The following LPP variants were observed in gnomAD, a reference collection of about 807,000 sequenced individuals.
The protein encoded by LPP is lipoma-preferred partner.
LPP carries 38 observed loss-of-function variants against 60.4 expected under a neutral mutation model. The observed-to-expected ratio is 0.63, with a 90% CI of 0.49 to 0.83. LPP has a LOEUF of 0.83. Ranked by LOEUF, LPP falls within the 40% of genes least tolerant of loss-of-function variation. The pLI, the probability that LPP is intolerant of heterozygous loss-of-function variation, is 0.00. For synonymous variants in LPP, 328 were observed against 290.8 expected, an observed-to-expected ratio of 1.13 and a Z score of -1.30; for missense variants, 902 against 783.6, an observed-to-expected ratio of 1.15 and a Z score of -1.80.
At chr3:188,186,653 G>A (rs982990826) in intron 1 of LPP, among the ~76,000 whole-genome samples, 3 of 151,794 alleles carry the variant, frequency 2.0e-5, no homozygotes, top group Non-Finnish European at 4.4e-5. Flanking sequence ...AAATAATGCG[G>A]AAGTGTTTAC....
chr3:188,643,549 G>A (rs1272280473), intron 7 of LPP, among the ~76,000 whole-genome samples: 2 of 152,160 alleles, frequency 1.3e-5, no homozygotes, highest in African/African-American at 4.8e-5. Flanking sequence ...ATAAGTAGTT[G>A]TGGATTCCTT....
At chr3:188,373,684 T>G (rs1411772219) in intron 3 of LPP, among the ~76,000 whole-genome samples, 1 of 152,158 alleles carries the variant, frequency 6.6e-6, no homozygotes, top group Non-Finnish European at 1.5e-5. Flanking sequence ...GGTAGTTTCT[T>G]TTGCTGTGCA....
chr3:188,854,215 C>T (rs1287578374), intron 9 of LPP, among the ~76,000 whole-genome samples: 1 of 152,212 alleles, frequency 6.6e-6, no homozygotes, highest in Non-Finnish European at 1.5e-5. Context: ...CCCTATACTC[C>T]CTGGCTGTGC....
rs756147443 is a variant in LPP at position 188,524,768 on chromosome 3, A to G, written c.410A>G (p.Tyr137Cys). Reference protein sequence around the residue: ...ILADLECSSPYKPRPPQSSTG... With the variant: ...ILADLECSSPCKPRPPQSSTG... ...GCTGACCTTGAGTGCAGCTCCCCCTATAAGCCTCGGCCTCCACAGGTTAGT... is the reference window on the plus strand; with the variant it reads ...GCTGACCTTGAGTGCAGCTCCCCCTGTAAGCCTCGGCCTCCACAGGTTAGT... The change falls in exon 6 of 12, where the codon TAT becomes TGT. Residue 137 changes from tyrosine to cysteine, a missense_variant. Tyr to Cys is a radical substitution (Grantham distance 194, BLOSUM62 -2). Coordinates refer to ENST00000617246, the MANE Select transcript of LPP (RefSeq NM_001375462.1). The G allele has an allele frequency of 1.1e-5, 17 of 1,613,766 alleles. No individual in the cohort carries two copies. The Admixed American group carries it at 1.3e-4, about 13-fold the overall frequency.
At chr3:188,404,869 A>G (rs896580905) in intron 3 of LPP, among the ~76,000 whole-genome samples, 2 of 152,196 alleles carry the variant, frequency 1.3e-5, no homozygotes, top group African/African-American at 4.8e-5. Context: ...GAGCTCTTGC[A>G]ATCAGGCTTG....
chr3:188,340,102 G>A (rs560749305), intron 2 of LPP, among the ~76,000 whole-genome samples: 1 of 152,306 alleles, frequency 6.6e-6, no homozygotes, highest in South Asian at 2.1e-4. Context: ...TCTTCAAATA[G>A]CAATTGGGAG....
chr3:188,220,430 T>C (rs1324609180), intron 1 of LPP, among the ~76,000 whole-genome samples: 3 of 152,156 alleles, frequency 2.0e-5, no homozygotes, highest in African/African-American at 7.2e-5. Flanking sequence ...TTGAAGGCCT[T>C]GACATATGGA....
At chr3:188,250,206 G>A (rs959777299) in intron 2 of LPP, among the ~76,000 whole-genome samples, 1 of 152,016 alleles carries the variant, frequency 6.6e-6, no homozygotes, top group African/African-American at 2.4e-5. Flanking sequence ...CCTTTGATTT[G>A]GAACATTTCC....
At chr3:188,343,216 C>A (rs1763514604) in intron 3 of LPP, among the ~76,000 whole-genome samples, 2 of 152,068 alleles carry the variant, frequency 1.3e-5, no homozygotes, top group African/African-American at 2.4e-5. Context: ...CTCCCTGTGT[C>A]CATGTGTTCT....
chr3:188,362,863 A>G (rs952210480), intron 3 of LPP, among the ~76,000 whole-genome samples: 7 of 152,188 alleles, frequency 4.6e-5, no homozygotes, highest in Non-Finnish European at 1.0e-4. Context: ...AGAGCCTTCC[A>G]TTTTGATACT....
intron 4 of LPP, among the ~76,000 whole-genome samples, chr3:188,479,957 A>T (rs1459194254): frequency 6.6e-6 from 1 of 152,108 alleles, no homozygotes; most frequent in African/African-American, 2.4e-5. Context: ...TCACCCTCTG[A>T]TGGGGGCCTT....
intron 6 of LPP, among the ~76,000 whole-genome samples, chr3:188,535,588 G>T (rs114719259): frequency 5.3e-5 from 8 of 152,054 alleles, no homozygotes; most frequent in Admixed American, 1.3e-4. Context: ...ACATGTATTT[G>T]CATTAAGAAA....
intron 8 of LPP, among the ~76,000 whole-genome samples, chr3:188,735,224 A>G (rs2150095816): frequency 6.6e-6 from 1 of 152,188 alleles, no homozygotes; most frequent in Middle Eastern, 3.4e-3. Context: ...ATGTTGATGC[A>G]TGTTTCAGAA....
intron 9 of LPP, among the ~76,000 whole-genome samples, chr3:188,811,351 TACACACACACACACAC>T (rs58445393): frequency 6.9e-6 from 1 of 144,882 alleles, no homozygotes; most frequent in African/African-American, 2.5e-5. Context: ...AAGTGCTGTA[TACACACACACACACAC>T]ACACACACAC....
intron 9 of LPP, among the ~76,000 whole-genome samples, chr3:188,765,827 C>CCACCACGT (rs200545599): frequency 0.012 from 1,737 of 148,524 alleles, 59 homozygotes; most frequent in African/African-American, 0.042. Context: ...CAGGCTTGCA[C>CCACCACGT]CACCACGTGC....
At chr3:188,211,449 A>G (rs1267229664) in intron 1 of LPP, among the ~76,000 whole-genome samples, 2 of 152,198 alleles carry the variant, frequency 1.3e-5, no homozygotes, top group Non-Finnish European at 2.9e-5. Flanking sequence ...ACCACCGGGA[A>G]GCCAAGATGT....
At chr3:188,697,380 G>A (rs1005954310) in intron 7 of LPP, among the ~76,000 whole-genome samples, 4 of 152,140 alleles carry the variant, frequency 2.6e-5, no homozygotes, top group East Asian at 1.9e-4. Flanking sequence ...TGTGCCAAGC[G>A]TCATATTTGC....
At chr3:188,821,505 A>T (rs1024226094) in intron 9 of LPP, among the ~76,000 whole-genome samples, 10 of 151,870 alleles carry the variant, frequency 6.6e-5, no homozygotes, top group Non-Finnish European at 1.5e-4. Context: ...GTAAACCCAT[A>T]ATTTATTATA....
intron 6 of LPP, among the ~76,000 whole-genome samples, chr3:188,581,679 A>G (rs553539048): frequency 6.6e-6 from 1 of 152,154 alleles, no homozygotes; most frequent in East Asian, 1.9e-4. Context: ...TGCAGCCTCT[A>G]CAGCCCCTGG....
Sources: gnomAD v4.1 joint callset for allele counts (sites outside exome capture counted in the v4.1 genomes callset) on GRCh38, gnomAD v4.1.1 for gene constraint, MANE v1.5 for transcripts, NCBI Gene and HGNC (gene_info 2026-07-23, HGNC 2026-07-21) for gene names.